Variants in GABRA2 observed in about 807,000 individuals in gnomAD.
The protein encoded by GABRA2 is gamma-aminobutyric acid receptor subunit alpha-2.
GABRA2 carries 16 observed loss-of-function variants against 48.7 expected under a neutral mutation model. The observed-to-expected ratio is 0.33, with a 90% CI of 0.22 to 0.50. The LOEUF is 0.50. GABRA2 is among the 20% of genes least tolerant of loss of function. The probability of loss-of-function intolerance (pLI) is 0.98; values close to 1 mark genes in which losing one functional copy is unlikely to be tolerated. For synonymous variants in GABRA2, 185 were observed against 184.5 expected, an observed-to-expected ratio of 1.00 and a Z score of -0.02; for missense variants, 275 against 535.6, an observed-to-expected ratio of 0.51 and a Z score of 4.80.
chr4:46,352,387 A>T (rs551383753), intron 3 of GABRA2, among the ~76,000 whole-genome samples: 135 of 152,094 alleles, frequency 8.9e-4, no homozygotes, highest in African/African-American at 3.0e-3. Flanking sequence ...TTATGAAGAA[A>T]AAACAGAAAT....
chr4:46,332,576 A>T (rs748001748), intron 4 of GABRA2, 39 bp downstream of exon 4: 2 of 1,167,274 alleles, frequency 1.7e-6, no homozygotes, highest in Non-Finnish European at 2.6e-6. Context: ...CCCACTCCCC[A>T]TTATGTGAAG....
At chr4:46,297,567 G>A (rs1319984499) in intron 8 of GABRA2, among the ~76,000 whole-genome samples, 1 of 139,158 alleles carries the variant, frequency 7.2e-6, no homozygotes, top group Non-Finnish European at 1.5e-5. Context: ...TATCTAATTT[G>A]TTGGTGTGAT....
intron 4 of GABRA2, among the ~76,000 whole-genome samples, chr4:46,330,589 T>TAGAGAGAGAGAGAGCG (rs1322712224): frequency 8.0e-6 from 1 of 124,670 alleles, no homozygotes; most frequent in East Asian, 2.9e-4. Context: ...TATATATATA[T>TAGAGAGAGAGAGAGCG]ATAGAGAGAG....
intron 3 of GABRA2, among the ~76,000 whole-genome samples, chr4:46,358,338 ATTT>A (rs1736337956): frequency 6.6e-6 from 1 of 152,296 alleles, no homozygotes; most frequent in African/African-American, 2.4e-5. Context: ...GGATACTGTT[ATTT>A]AACCTGCTAT....
chr4:46,251,491 G>A (rs1160930160), intron 9 of GABRA2, among the ~76,000 whole-genome samples: 4 of 151,262 alleles, frequency 2.6e-5, no homozygotes, highest in African/African-American at 9.7e-5. Context: ...TTGGTGCCAC[G>A]CTTTTAGCCA....
At chr4:46,352,640 T>C (rs1354727778) in intron 3 of GABRA2, among the ~76,000 whole-genome samples, 1 of 151,976 alleles carries the variant, frequency 6.6e-6, no homozygotes, top group Non-Finnish European at 1.5e-5. Flanking sequence ...ATAAGAGAAA[T>C]TTTAGACAGA....
rs1051690817 is a variant in GABRA2 at position 46,249,363 on chromosome 4, T to G, written c.*945A>C. 7.3e-5 allele frequency: 11 copies of G among 151,326 alleles called. No homozygotes were observed. The highest frequency in any genetic ancestry group is 2.7e-4 in the African/African-American group (11 of 41,290). The allele number at this position is 151,326 out of a possible 1,614,324, so 9.4% of individuals were successfully genotyped here. A position where few individuals can be genotyped will look rare whatever the true frequency, so the allele number is the denominator to read the frequency against. On this transcript the variant is annotated 3_prime_UTR_variant, in exon 10 of 10. Coordinates refer to ENST00000381620, the MANE Select transcript of GABRA2 (RefSeq NM_000807.4). The stretch of plus-strand genomic sequence containing the variant: ...GTAAACAGGAAAGAGGAGAATCATA[T>G]AAGTGTTTGTCATAGTGTGGGGCAC...
chr4:46,276,112 C>A, intron 8 of GABRA2, among the ~76,000 whole-genome samples: 1 of 151,742 alleles, frequency 6.6e-6, no homozygotes, highest in Non-Finnish European at 1.5e-5. Flanking sequence ...CCAAAGAAAA[C>A]AAGAACAAAA....
chr4:46,310,184 T>C lies in GABRA2; in HGVS notation c.548A>G (p.Lys183Arg), dbSNP rs756432641. 1.9e-6 allele frequency: 3 copies of C among 1,613,008 alleles called. No homozygotes were observed. Among genetic ancestry groups the C allele is most frequent in the Non-Finnish European group, 1.7e-6 (2 of 1,179,176 alleles). ...FPMDAHSCPL[K>R]FGSYAYTTSE... ...ATCCCTGTACTTACAGCTGCCAAATTTCAGAGGACATGAATGAGCATCCAT... is the reference window on the plus strand; with the variant it reads ...ATCCCTGTACTTACAGCTGCCAAATCTCAGAGGACATGAATGAGCATCCAT... Residue 183 changes from lysine to arginine, a missense_variant, in exon 6 of 10, where the codon AAA (lysine) becomes AGA (arginine). By Grantham distance (26) the Lys-to-Arg change is conservative (BLOSUM62 2). Around this residue, in one of 4 missense-constraint regions of GABRA2, gnomAD observed 113 missense variants for 257.1 expected, o/e 0.44. Transcript: ENST00000381620.
intron 8 of GABRA2, among the ~76,000 whole-genome samples, chr4:46,284,378 T>C (rs1298087024): frequency 2.0e-5 from 3 of 152,158 alleles, no homozygotes; most frequent in Non-Finnish European, 4.4e-5. Context: ...TCCCAAGTGC[T>C]TTCTTATATT....
chr4:46,343,229 A>G lies in GABRA2; in HGVS notation c.188-10547T>C, dbSNP rs371933584. On this transcript the variant is annotated intron_variant, in intron 3 of 9. Coordinates refer to ENST00000381620, the MANE Select transcript of GABRA2 (RefSeq NM_000807.4). ...TATAAGTTTCTTACATATTGCATAC[A>G]TATTTTAAAATAAAAACTCTAAGAA... Among the ~76,000 whole-genome samples the G allele has an allele frequency of 6.6e-5, 10 of 152,126 alleles. No individual in the cohort carries two copies. In the East Asian group the frequency reaches 1.2e-3, roughly 18 times the overall value.
rs1187844488 is a variant in GABRA2 at position 46,250,450 on chromosome 4, G to C, written c.1214C>G (p.Ala405Gly). 1.9e-6 allele frequency: 3 copies of C among 1,611,918 alleles called. No homozygotes were observed. The highest frequency in any genetic ancestry group is 2.5e-6 in the Non-Finnish European group (3 of 1,178,654). Residue 405 changes from alanine (A) to glycine (G), a missense_variant, in exon 10 of 10, where the codon GCT becomes GGT. Around this residue, in one of 4 missense-constraint regions of GABRA2, gnomAD observed 99 missense variants for 124.3 expected, o/e 0.80. Transcript: ENST00000381620. ...EPNKKPENKP[A>G]EAKKTFNSVS... ...ACTGTTGAAAGTTTTCTTTGCTTCA[G>C]CTGGCTTGTTTTCTGGCTTCTTGTT...
rs1461745470 is a variant in GABRA2 at position 46,324,547 on chromosome 4, TG to T, written c.255+8067del. Among the ~76,000 whole-genome samples, 3 of 152,046 alleles carry T rather than the reference TG, an allele frequency of 2.0e-5. No homozygotes were observed. In the South Asian group the frequency reaches 6.2e-4, roughly 32 times the overall value. ...TCACTACATGTTCAGAAATCACAGT[TG>T]TTTATTATTTAGTTTTTTTTTTCTT... On this transcript the variant is annotated intron_variant, in intron 4 of 9. Coordinates refer to ENST00000381620, the MANE Select transcript of GABRA2 (RefSeq NM_000807.4).
chr4:46,306,773 C>G (rs567609039), intron 6 of GABRA2, among the ~76,000 whole-genome samples: 1 of 152,282 alleles, frequency 6.6e-6, no homozygotes, highest in South Asian at 2.1e-4. Flanking sequence ...AAATCTCATT[C>G]TCTGCAATCT....
chr4:46,389,972 C>A lies in GABRA2; in HGVS notation c.-248G>T. 1 of 981,878 alleles carries A rather than the reference C, an allele frequency of 1.0e-6. No individual in the cohort carries two copies. Among genetic ancestry groups the A allele is most frequent in the South Asian group, 4.6e-5 (1 of 21,734 alleles). The allele number at this position is 981,878 out of a possible 1,614,324, so 60.8% of individuals were successfully genotyped here. ...AGGTGTAGAAGGAGGCGAAGGCGTT[C>A]GTAGTGGCGGTGATGGGCGGAGGAG... On this transcript the variant is annotated 5_prime_UTR_variant, in exon 1 of 10. Transcript: ENST00000381620.
At chr4:46,332,540 A>T (rs1731541744) in intron 4 of GABRA2, 75 bp downstream of exon 4, 1 of 840,062 alleles carries the variant, frequency 1.2e-6, no homozygotes, top group Non-Finnish European at 2.1e-6. Flanking sequence ...ATAACACTAA[A>T]AATGCTAGTT....
At chr4:46,314,008 A>T (rs1042978941) in intron 4 of GABRA2, among the ~76,000 whole-genome samples, 1 of 152,136 alleles carries the variant, frequency 6.6e-6, no homozygotes, top group Non-Finnish European at 1.5e-5. Context: ...AGGTACTGGC[A>T]TGTGAGTAGC....
At chr4:46,295,108 C>T (rs536250668) in intron 8 of GABRA2, among the ~76,000 whole-genome samples, 3 of 152,322 alleles carry the variant, frequency 2.0e-5, no homozygotes, top group South Asian at 2.1e-4. Context: ...ACAGATGGTT[C>T]TGCATGATAT....
chr4:46,357,662 C>CTTTCTTTTTTTTTTTTTTTTTTTT, intron 3 of GABRA2, among the ~76,000 whole-genome samples: 1 of 145,442 alleles, frequency 6.9e-6, no homozygotes, highest in Non-Finnish European at 1.5e-5. Flanking sequence ...TTTTTATTTT[C>CTTTCTTTTTTTTTTTTTTTTTTTT]TTTCTTTTTT....
Sources: allele counts gnomAD v4.1 joint callset (sites outside exome capture counted in the v4.1 genomes callset), GRCh38; gene constraint gnomAD v4.1.1; regional missense constraint gnomAD v4.1.1; transcripts MANE v1.5; gene names NCBI Gene and HGNC (gene_info 2026-07-23, HGNC 2026-07-21).